The following ABCA13 variants were observed in gnomAD, a reference collection of about 807,000 sequenced individuals.
ABCA13 encodes the protein ATP-binding cassette sub-family A member 13.
In ABCA13, 476 loss-of-function variants were observed where a neutral mutation model predicts 478.7. That is an observed-to-expected ratio of 0.99 (90% CI 0.92 to 1.07). The LOEUF (loss-of-function observed/expected upper bound fraction) is 1.07. Among genes scored for constraint, ABCA13 ranks in the 50% least tolerant of loss-of-function variants. The pLI is 0.00. For missense variants in ABCA13, 6,060 were observed against 5,910.6 expected, an observed-to-expected ratio of 1.03 and a Z score of -0.83; for synonymous variants, 2,252 against 2,158.9, an observed-to-expected ratio of 1.04 and a Z score of -1.20.
At chr7:48,259,609 G>A (rs1003541241) in intron 15 of ABCA13, among the ~76,000 whole-genome samples, 2 of 151,998 alleles carry the variant, frequency 1.3e-5, no homozygotes, top group Non-Finnish European at 2.9e-5. Context: ...TTACATTCAA[G>A]GTTAATATTA....
At chr7:48,590,590 A>G (rs992587750) in intron 57 of ABCA13, among the ~76,000 whole-genome samples, 4 of 152,148 alleles carry the variant, frequency 2.6e-5, no homozygotes, top group Non-Finnish European at 5.9e-5. Context: ...GTGTACATTT[A>G]CATTTCCACC....
chr7:48,642,267 C>A (rs988778068), intron 59 of ABCA13, among the ~76,000 whole-genome samples: 11 of 152,110 alleles, frequency 7.2e-5, no homozygotes. Context: ...GTCTTGGGTC[C>A]CCTGTCTTTA....
At chr7:48,324,135 A>G (rs1396541459) in intron 27 of ABCA13, among the ~76,000 whole-genome samples, 1 of 152,174 alleles carries the variant, frequency 6.6e-6, no homozygotes, top group Admixed American at 6.5e-5. Flanking sequence ...AGTACCACAG[A>G]TTGAGTGGCT....
intron 9 of ABCA13, among the ~76,000 whole-genome samples, chr7:48,240,664 T>G (rs1405277694): frequency 1.3e-5 from 2 of 152,220 alleles, no homozygotes; most frequent in African/African-American, 4.8e-5. Flanking sequence ...TAAAGTTGTG[T>G]GCATCCATTG....
At position 48,481,100 on chromosome 7, in the gene ABCA13, A is replaced by G. The variant is rs749427230; in HGVS notation, c.13040A>G (p.Asn4347Ser). The change falls in exon 46 of 62, where the codon AAT becomes AGT. Residue 4347 changes from asparagine to serine, a missense_variant. Physicochemically the swap from Asn to Ser is conservative, Grantham distance 46. Around this residue, in one of 3 missense-constraint regions of ABCA13, gnomAD observed 1,627 missense variants for 1,571.0 expected, o/e 1.04. Coordinates refer to ENST00000435803, the MANE Select transcript of ABCA13 (RefSeq NM_152701.5). ...LTNHLGHTLL[N>S]LSGFNMEEYL... ...AACCACCTGGGCCACACACTGTTGA[A>G]TCTCTCAGGCTTCAATATGGAGGAG... 1.4e-5 allele frequency: 23 copies of G among 1,602,134 alleles called. No homozygotes were observed. The highest frequency in any genetic ancestry group is 2.2e-5 in the East Asian group (1 of 44,630).
chr7:48,410,464 G>GGTCCTCCTGGGGACTTT (rs1435593666), intron 39 of ABCA13, 56 bp from the exon 40 acceptor site: 1 of 1,594,290 alleles, frequency 6.3e-7, no homozygotes, highest in African/African-American at 1.3e-5. Context: ...AAGGAGGGAA[G>GGTCCTCCTGGGGACTTT]GTCCTCCTGG....
intron 38 of ABCA13, among the ~76,000 whole-genome samples, chr7:48,394,324 G>A (rs1816513938): frequency 6.6e-6 from 1 of 152,144 alleles, no homozygotes; most frequent in African/African-American, 2.4e-5. Context: ...TGTGGTGCCT[G>A]CTGCGCTGGT....
chr7:48,491,225 G>T (rs1196217049), intron 48 of ABCA13, among the ~76,000 whole-genome samples: 1 of 152,142 alleles, frequency 6.6e-6, no homozygotes, highest in Non-Finnish European at 1.5e-5. Context: ...GGAGAGAAAA[G>T]TTTGGTAGAG....
At chr7:48,575,416 G>A (rs538301009) in intron 55 of ABCA13, among the ~76,000 whole-genome samples, 13 of 152,246 alleles carry the variant, frequency 8.5e-5, no homozygotes, top group African/African-American at 3.1e-4. Flanking sequence ...AAAGATAGGA[G>A]AATATGGATG....
At chr7:48,595,062 C>G (rs1208355360) in intron 58 of ABCA13, among the ~76,000 whole-genome samples, 1 of 152,110 alleles carries the variant, frequency 6.6e-6, no homozygotes, top group Non-Finnish European at 1.5e-5. Flanking sequence ...GTTCTGTGTC[C>G]AAAGATGATA....
chr7:48,183,335 G>T (rs1795955690), intron 1 of ABCA13, among the ~76,000 whole-genome samples: 1 of 152,196 alleles, frequency 6.6e-6, no homozygotes, highest in Non-Finnish European at 1.5e-5. Context: ...GTTCAAGACA[G>T]ATGGAAAATT....
chr7:48,543,877 G>A (rs1489181005), intron 55 of ABCA13, among the ~76,000 whole-genome samples: 1 of 151,540 alleles, frequency 6.6e-6, no homozygotes, highest in African/African-American at 2.4e-5. Context: ...AATTTTACTG[G>A]AGTTAAGCAT....
At chr7:48,396,485 G>A (rs984443177) in intron 38 of ABCA13, among the ~76,000 whole-genome samples, 1 of 152,200 alleles carries the variant, frequency 6.6e-6, no homozygotes, top group South Asian at 2.1e-4. Flanking sequence ...AGCTCGGAGA[G>A]GGAAGCCAGG....
intron 15 of ABCA13, among the ~76,000 whole-genome samples, chr7:48,250,698 C>A (rs1792418871): frequency 6.6e-6 from 1 of 152,148 alleles, no homozygotes; most frequent in Admixed American, 6.5e-5. Flanking sequence ...CTGTATGATT[C>A]ACAGGGAGTC....
chr7:48,320,822 A>G (rs565784926), intron 27 of ABCA13, among the ~76,000 whole-genome samples: 45 of 152,354 alleles, frequency 3.0e-4, no homozygotes, highest in Non-Finnish European at 5.4e-4. Context: ...TCTTATTTTC[A>G]TCTAGCTCTC....
At chr7:48,316,495 A>G (rs1802602472) in intron 26 of ABCA13, among the ~76,000 whole-genome samples, 1 of 152,220 alleles carries the variant, frequency 6.6e-6, no homozygotes, top group Admixed American at 6.5e-5. Context: ...GAAGTCACTT[A>G]AGTGAACATA....
At chr7:48,225,140 C>CCTTCCTTCCTTCCTTT (rs1304854605) in intron 5 of ABCA13, among the ~76,000 whole-genome samples, 6 of 113,026 alleles carry the variant, frequency 5.3e-5, no homozygotes, top group African/African-American at 1.7e-4. Flanking sequence ...TGCCTGCCTT[C>CCTTCCTTCCTTCCTTT]CTTCCTTCCT....
At position 48,275,168 on chromosome 7, in the gene ABCA13, G is replaced by C. The variant is rs1562941553; in HGVS notation, c.5502G>C (p.Gln1834His). 1 of 1,613,944 alleles carries C rather than the reference G, an allele frequency of 6.2e-7. No homozygotes were observed. The highest frequency in any genetic ancestry group is 8.5e-7 in the Non-Finnish European group (1 of 1,179,874). ...ATCACACAAATTCTGGATTTCGGCA[G>C]AATTCAAAGATAGACCCCTGCAATG... ...CWNHTNSGFR[Q>H]NSKIDPCNVH... is the part of the protein sequence containing the mutation. The change falls in exon 17 of 62, where the codon CAG becomes CAC. Residue 1834 changes from glutamine to histidine, a missense_variant. By Grantham distance (24) the Gln-to-His change is conservative. Coordinates refer to ENST00000435803, the MANE Select transcript of ABCA13 (RefSeq NM_152701.5).
In ABCA13 at chr7:48,274,128, A is replaced by T. The variant is rs1246798410; in HGVS notation, c.4462A>T (p.Ile1488Phe). The T allele has an allele frequency of 1.9e-6, 3 of 1,607,016 alleles. No homozygotes were observed. In the South Asian group the frequency reaches 3.3e-5, roughly 18 times the overall value. ...AAAAGAGAAGAAACCTAAATTTGAG[A>T]TTTTATTAGCTCTTTTAAATGATTC... The part of the protein sequence containing the change: ...FEKEKKPKFE[I>F]LLALLNDSTK... Residue 1488 changes from isoleucine to phenylalanine, a missense_variant, in exon 17 of 62, where the codon ATT becomes TTT. Transcript: ENST00000435803.
Sources: allele counts gnomAD v4.1 joint callset (sites outside exome capture counted in the v4.1 genomes callset), GRCh38; gene constraint gnomAD v4.1.1; regional missense constraint gnomAD v4.1.1; transcripts MANE v1.5; gene names NCBI Gene and HGNC (gene_info 2026-07-23, HGNC 2026-07-21).